ZMAT4: variants seen among roughly 807,000 people sequenced by gnomAD.
ZMAT4 encodes the protein zinc finger matrin-type 4, also known as zinc finger matrin-type protein 4.
A neutral mutation model predicts 28.7 loss-of-function variants in ZMAT4; 17 were observed. The observed-to-expected ratio is 0.59, with a 90% CI of 0.41 to 0.89. The LOEUF is 0.89. Among genes scored for constraint, ZMAT4 ranks in the 40% least tolerant of loss-of-function variants. The pLI is 0.00. For synonymous variants in ZMAT4, 117 were observed against 109.2 expected, an observed-to-expected ratio of 1.07 and a Z score of -0.44; for missense variants, 240 against 283.8, an observed-to-expected ratio of 0.85 and a Z score of 1.11.
Position 40,674,680 on chromosome 8 carries a change from AGAAGT to A in ZMAT4, c.577+19_577+23del, listed in dbSNP as rs1563403627. On this transcript the variant is annotated intron_variant, in intron 5 of 6. Transcript: ENST00000297737. ...TTCTCTGAAAGCCCAGTTTTGTGGC[AGAAGT>A]GAGAAGAGCTGCCCTTACCTCTCAG... 1 of 1,591,734 alleles carries A rather than the reference AGAAGT, an allele frequency of 6.3e-7. No individual in the cohort carries two copies. Among genetic ancestry groups the A allele is most frequent in the Non-Finnish European group, 8.6e-7 (1 of 1,161,006 alleles).
intron 6 of ZMAT4, among the ~76,000 whole-genome samples, chr8:40,559,266 A>T (rs1803651498): frequency 6.6e-6 from 1 of 152,144 alleles, no homozygotes; most frequent in Non-Finnish European, 1.5e-5. Context: ...CTGTGCACTG[A>T]GTGCCTTCAT....
At chr8:40,775,475 G>A (rs1412064042) in intron 2 of ZMAT4, among the ~76,000 whole-genome samples, 1 of 152,218 alleles carries the variant, frequency 6.6e-6, no homozygotes, top group Non-Finnish European at 1.5e-5. Context: ...CATAAGCTCT[G>A]AAGAAACTGA....
rs540063489 is a variant in ZMAT4, at chr8:40,657,317, GT to G, written c.577+17386del. ...ATCTGATTTTTCTTCTGGTATTTCA[GT>G]ATAGCCTGAAGAACTTCTTTCAGCA... On this transcript the variant is annotated intron_variant, in intron 5 of 6. Transcript: ENST00000297737. Among the ~76,000 whole-genome samples the G allele has an allele frequency of 2.9e-3, 439 of 152,252 alleles. 4 individuals are homozygous for G. The highest frequency in any genetic ancestry group is 1.0e-2 in the African/African-American group (414 of 41,542).
At chr8:40,678,411 T>C (rs1423662150) in intron 4 of ZMAT4, among the ~76,000 whole-genome samples, 3 of 152,198 alleles carry the variant, frequency 2.0e-5, no homozygotes, top group Admixed American at 2.0e-4. Flanking sequence ...AAGAGAACAT[T>C]AAGCTATTAT....
intron 6 of ZMAT4, among the ~76,000 whole-genome samples, chr8:40,566,963 C>A (rs1803942611): frequency 6.6e-6 from 1 of 152,060 alleles, no homozygotes; most frequent in Admixed American, 6.6e-5. Flanking sequence ...CTATTTAAGG[C>A]ATTTATAAGA....
In ZMAT4 at chr8:40,627,905, T is replaced by G. The variant is rs372949118; in HGVS notation, c.578-46644A>C. ...GCAGGAGCCTGAGGGATTTAAGGCT[T>G]GAAGATCATGATTTTGTCTCTGTAG... On this transcript the variant is annotated intron_variant, in intron 5 of 6. Coordinates refer to ENST00000297737, the MANE Select transcript of ZMAT4 (RefSeq NM_024645.3). 7.2e-5 allele frequency among the ~76,000 whole-genome samples: 11 copies of G among 152,148 alleles called. No individual in the cohort carries two copies. In the East Asian group the frequency reaches 7.7e-4, roughly 11 times the overall value.
At chr8:40,698,604 T>A (rs1809996869) in intron 3 of ZMAT4, among the ~76,000 whole-genome samples, 1 of 152,214 alleles carries the variant, frequency 6.6e-6, no homozygotes, top group African/African-American at 2.4e-5. Context: ...GGGTGGCAAC[T>A]GGTTGGAGGA....
At chr8:40,556,293 GTTC>G (rs1195594494) in intron 6 of ZMAT4, among the ~76,000 whole-genome samples, 1 of 152,184 alleles carries the variant, frequency 6.6e-6, no homozygotes, top group South Asian at 2.1e-4. Context: ...TACTTAAAAA[GTTC>G]TTCTTAATAA....
At chr8:40,649,234 A>G (rs992259826) in intron 5 of ZMAT4, among the ~76,000 whole-genome samples, 1 of 152,156 alleles carries the variant, frequency 6.6e-6, no homozygotes, top group Non-Finnish European at 1.5e-5. Flanking sequence ...AGGAAGATCT[A>G]CCAAGCAAAC....
At chr8:40,717,455 G>A (rs934657274) in intron 3 of ZMAT4, among the ~76,000 whole-genome samples, 7 of 152,106 alleles carry the variant, frequency 4.6e-5, no homozygotes, top group Admixed American at 2.0e-4. Flanking sequence ...AGGAGTTTGA[G>A]ACCAGCCTTG....
chr8:40,582,360 C>A (rs769027104), intron 5 of ZMAT4, among the ~76,000 whole-genome samples: 13 of 152,116 alleles, frequency 8.5e-5, no homozygotes, highest in Non-Finnish European at 1.9e-4. Context: ...AAAAGTCAGG[C>A]ATGGTGGCAC....
rs373613593 is a variant in ZMAT4 at position 40,807,211 on chromosome 8, G to A, written c.102+18364C>T. Among the ~76,000 whole-genome samples, 13 of 151,210 alleles carry A rather than the reference G, an allele frequency of 8.6e-5. No homozygotes were observed. In the East Asian group the frequency reaches 2.0e-3, roughly 23 times the overall value. On this transcript the variant is annotated intron_variant, in intron 2 of 6. Transcript: ENST00000297737. ...TATCTCAGCACTTTGGGAGGCTAAG[G>A]CAGGTGGATCACCTGAGGTCAGGAG...
chr8:40,878,010 T>C (rs548188918), intron 1 of ZMAT4, among the ~76,000 whole-genome samples: 20 of 152,332 alleles, frequency 1.3e-4, no homozygotes, highest in African/African-American at 4.3e-4. Flanking sequence ...CCGAGGATTT[T>C]AGGGAGCTCA....
At chr8:40,837,071 T>C (rs1816520980) in intron 1 of ZMAT4, among the ~76,000 whole-genome samples, 1 of 152,204 alleles carries the variant, frequency 6.6e-6, no homozygotes, top group Non-Finnish European at 1.5e-5. Flanking sequence ...TTCCACACCC[T>C]CTGCAATAGA....
intron 5 of ZMAT4, among the ~76,000 whole-genome samples, chr8:40,610,408 G>A (rs1233200832): frequency 6.6e-6 from 1 of 152,142 alleles, no homozygotes; most frequent in Non-Finnish European, 1.5e-5. Flanking sequence ...TTGTGTGAGG[G>A]AGCTATGCAG....
intron 1 of ZMAT4, among the ~76,000 whole-genome samples, chr8:40,883,163 G>T (rs902983857): frequency 2.0e-5 from 3 of 152,154 alleles, no homozygotes; most frequent in African/African-American, 7.2e-5. Flanking sequence ...CAAATGCTGT[G>T]TGTCCCTTCA....
intron 1 of ZMAT4, among the ~76,000 whole-genome samples, chr8:40,851,538 A>C (rs1817106031): frequency 2.0e-5 from 3 of 152,212 alleles, no homozygotes; most frequent in Non-Finnish European, 4.4e-5. Context: ...ACACTGGGGA[A>C]AACCGAGTGA....
intron 5 of ZMAT4, among the ~76,000 whole-genome samples, chr8:40,665,225 A>C (rs56195340): frequency 0.16 from 23,646 of 148,798 alleles, 2,468 homozygotes; most frequent in Middle Eastern, 0.26. Context: ...CAACAACAAA[A>C]AAACACACAC....
At chr8:40,765,600 T>C (rs925204965) in intron 3 of ZMAT4, among the ~76,000 whole-genome samples, 4 of 152,322 alleles carry the variant, frequency 2.6e-5, no homozygotes, top group African/African-American at 7.2e-5. Context: ...TGATAAAGAA[T>C]GCAAACAGAT....
Sources: allele counts gnomAD v4.1 joint callset (sites outside exome capture counted in the v4.1 genomes callset), GRCh38; gene constraint gnomAD v4.1.1; transcripts MANE v1.5; gene names NCBI Gene and HGNC (gene_info 2026-07-23, HGNC 2026-07-21).